KLB: variants seen among roughly 807,000 people sequenced by gnomAD.
KLB encodes beta-klotho.
Under a neutral mutation model 88.4 loss-of-function variants are expected in KLB, and 44 were observed. The observed-to-expected ratio is 0.50, with a 90% CI of 0.39 to 0.64. The LOEUF is 0.64. KLB is among the 30% of genes least tolerant of loss of function. KLB has a pLI of 0.00. For synonymous variants in KLB, 548 were observed against 513.4 expected (o/e 1.07, Z -0.91); for missense variants, 1,137 against 1,304.8 (o/e 0.87, Z 1.98).
intron 1 of KLB, among the ~76,000 whole-genome samples, chr4:39,417,396 C>G (rs964215505): frequency 6.6e-6 from 1 of 152,140 alleles, no homozygotes; most frequent in South Asian, 2.1e-4. Context: ...CTCACCGTAA[C>G]CTCAGCCTTC....
intron 1 of KLB, among the ~76,000 whole-genome samples, chr4:39,422,410 T>C (rs1743109330): frequency 6.6e-6 from 1 of 152,156 alleles, no homozygotes; most frequent in South Asian, 2.1e-4. Flanking sequence ...CATAGGGCGA[T>C]ATAGCCTGGG....
At chr4:39,424,665 A>G (rs1017659998) in intron 1 of KLB, among the ~76,000 whole-genome samples, 1 of 148,676 alleles carries the variant, frequency 6.7e-6, no homozygotes, top group African/African-American at 2.6e-5. Context: ...GGAGCTTCGC[A>G]CTGTTGCCCA....
intron 1 of KLB, among the ~76,000 whole-genome samples, chr4:39,408,865 A>G (rs1021275343): frequency 3.3e-5 from 5 of 150,662 alleles, no homozygotes; most frequent in African/African-American, 4.9e-5. Flanking sequence ...TTAAAAATGA[A>G]AAAACTTTAT....
chr4:39,435,042 A>G (rs965176210), intron 2 of KLB, among the ~76,000 whole-genome samples: 4 of 151,872 alleles, frequency 2.6e-5, no homozygotes, highest in African/African-American at 9.7e-5. Context: ...CCTGACCTTA[A>G]GTGATCCGCC....
At position 39,447,418 on chromosome 4, in the gene KLB, G is replaced by C; in HGVS notation, c.2692G>C (p.Glu898Gln). Residue 898 changes from glutamate to glutamine, a missense_variant, in exon 4 of 5, where the codon GAG becomes CAG. Around this residue, in one of 4 missense-constraint regions of KLB, gnomAD observed 426 missense variants for 404.6 expected, o/e 1.05. Transcript: ENST00000257408. The stretch of plus-strand genomic sequence containing the variant: ...CAGTGGCATCGACGACCAGGCTCTG[G>C]AGGATGACCGGCTCCGGAAGTACTA... ...TASGIDDQAL[E>Q]DDRLRKYYLG... 3.1e-6 allele frequency: 5 copies of C among 1,612,086 alleles called. No individual in the cohort carries two copies. The East Asian group carries it at 1.1e-4, about 36-fold the overall frequency.
At chr4:39,442,701 G>A (rs892004427) in intron 3 of KLB, among the ~76,000 whole-genome samples, 6 of 152,014 alleles carry the variant, frequency 3.9e-5, no homozygotes, top group African/African-American at 1.5e-4. Flanking sequence ...CCAAAGTGCT[G>A]GGATTACAGG....
At chr4:39,435,114 T>C (rs897015208) in intron 2 of KLB, among the ~76,000 whole-genome samples, 1 of 150,928 alleles carries the variant, frequency 6.6e-6, no homozygotes, top group African/African-American at 2.4e-5. Context: ...GCCTGGCCTT[T>C]TGTATTGTCC....
intron 1 of KLB, among the ~76,000 whole-genome samples, chr4:39,409,056 G>T (rs1208630051): frequency 6.6e-6 from 1 of 151,358 alleles, no homozygotes; most frequent in Non-Finnish European, 1.5e-5. Context: ...TTACACATGT[G>T]CATTGTACTA....
chr4:39,438,806 A>G (rs1743534790), intron 3 of KLB, among the ~76,000 whole-genome samples: 1 of 152,120 alleles, frequency 6.6e-6, no homozygotes, highest in Non-Finnish European at 1.5e-5. Context: ...TGCTACCTGG[A>G]AATCAAGAAA....
intron 1 of KLB, among the ~76,000 whole-genome samples, chr4:39,419,702 G>A (rs1413379319): frequency 6.7e-6 from 1 of 149,558 alleles, no homozygotes; most frequent in Non-Finnish European, 1.5e-5. Context: ...TCTGAGCCCA[G>A]AAGGCGGAGG....
rs764897680 is a variant in KLB at position 39,447,374 on chromosome 4, T to C, written c.2648T>C (p.Met883Thr). Residue 883 changes from methionine to threonine, a missense_variant, in exon 4 of 5, where the codon ATG becomes ACG. By Grantham distance (81) the Met-to-Thr change is moderately conservative (BLOSUM62 -1). This residue lies in a region of KLB where 426 missense variants were observed against 404.6 expected (regional missense o/e 1.05). Transcript: ENST00000257408. ...TGGGTCCGGAGGAACTACGGCGACA[T>C]GGACATTTACATCACCGCCAGTGGC... Reference protein sequence around the residue: ...LRWVRRNYGDMDIYITASGID... With the variant: ...LRWVRRNYGDTDIYITASGID... The C allele has an allele frequency of 2.5e-6, 4 of 1,613,612 alleles. No homozygotes were observed. Among genetic ancestry groups the C allele is most frequent in the Non-Finnish European group, 3.4e-6 (4 of 1,179,984 alleles).
chr4:39,448,682 G>T lies in KLB; in HGVS notation c.3131G>T (p.Ser1044Ile). The change falls in exon 5 of 5, where the codon AGC becomes ATC. Residue 1044 changes from serine (S) to isoleucine (I), a missense_variant. Around this residue, in one of 4 missense-constraint regions of KLB, gnomAD observed 426 missense variants for 404.6 expected, o/e 1.05. Coordinates refer to ENST00000257408, the MANE Select transcript of KLB (RefSeq NM_175737.4). ...IPLKKGKRVV[S>I] ...TTAAAGAAAGGCAAGAGAGTTGTTA[G>T]CTAAACTGATCTGTCTGCATGATAG... 6.2e-7 allele frequency: 1 copy of T among 1,606,642 alleles called. No individual in the cohort carries two copies. Among genetic ancestry groups the T allele is most frequent in the Non-Finnish European group, 8.5e-7 (1 of 1,179,076 alleles).
At chr4:39,445,344 C>G (rs1021440522) in intron 3 of KLB, among the ~76,000 whole-genome samples, 2 of 152,162 alleles carry the variant, frequency 1.3e-5, no homozygotes, top group Non-Finnish European at 2.9e-5. Context: ...TCTGTCAGAT[C>G]CAAGTGTCAA....
intron 1 of KLB, among the ~76,000 whole-genome samples, chr4:39,422,316 C>A (rs1315564941): frequency 6.6e-6 from 1 of 152,104 alleles, no homozygotes; most frequent in African/African-American, 2.4e-5. Flanking sequence ...GGTTCAGCTT[C>A]TTCATCTATA....
rs769764333 is a variant in KLB, at chr4:39,407,527, T to C, written c.578T>C (p.Leu193Ser). ...AGAAACATTGAACCTATAGTTACTTTATACCACTGGGATTTGCCTTTGGCA... is the reference window on the plus strand; with the variant it reads ...AGAAACATTGAACCTATAGTTACTTCATACCACTGGGATTTGCCTTTGGCA... The part of the protein sequence containing the change: ...VLRNIEPIVT[L>S]YHWDLPLALQ... The change falls in exon 1 of 5, where the codon TTA becomes TCA. Residue 193 changes from leucine to serine, a missense_variant. By Grantham distance (145) the Leu-to-Ser change is moderately radical. Coordinates refer to ENST00000257408, the MANE Select transcript of KLB (RefSeq NM_175737.4). 13 of 1,614,200 alleles carry C rather than the reference T, an allele frequency of 8.1e-6. No homozygotes were observed. Among genetic ancestry groups the C allele is most frequent in the Non-Finnish European group, 1.1e-5 (13 of 1,179,992 alleles).
intron 1 of KLB, among the ~76,000 whole-genome samples, chr4:39,430,959 C>T (rs1743346192): frequency 6.6e-6 from 1 of 151,422 alleles, no homozygotes; most frequent in African/African-American, 2.4e-5. Flanking sequence ...CTCTGTCCCC[C>T]AGGCTGGAGT....
In KLB at chr4:39,451,010, T is replaced by C. The variant is rs962806210; in HGVS notation, c.*2324T>C. On this transcript the variant is annotated 3_prime_UTR_variant, in exon 5 of 5. Coordinates refer to ENST00000257408, the MANE Select transcript of KLB (RefSeq NM_175737.4). ...CTGTCTCTTTCACATTAAGAGCTTA[T>C]GCTTAAAGCATGCCCCCCTTTTCTA... 1 of 152,222 alleles carries C rather than the reference T, an allele frequency of 6.6e-6. No homozygotes were observed. The highest frequency in any genetic ancestry group is 1.5e-5 in the Non-Finnish European group (1 of 68,046). The allele number at this position is 152,222 out of a possible 1,614,324, so 9.4% of individuals were successfully genotyped here.
At chr4:39,428,267 A>C (rs1048341507) in intron 1 of KLB, among the ~76,000 whole-genome samples, 2 of 152,134 alleles carry the variant, frequency 1.3e-5, no homozygotes, top group South Asian at 4.1e-4. Flanking sequence ...TCTCTACTAA[A>C]AATACAAAAA....
intron 3 of KLB, 98 bp downstream of exon 3, chr4:39,438,093 C>A: frequency 9.2e-7 from 1 of 1,091,312 alleles, no homozygotes; most frequent in Admixed American, 2.4e-5. Flanking sequence ...CAGACAATAT[C>A]AAATACCACA....
Sources: allele counts gnomAD v4.1 joint callset (sites outside exome capture counted in the v4.1 genomes callset), GRCh38; gene constraint gnomAD v4.1.1; regional missense constraint gnomAD v4.1.1; transcripts MANE v1.5; gene names NCBI Gene and HGNC (gene_info 2026-07-23, HGNC 2026-07-21).